The following ZNF608 variants were observed in gnomAD, a reference collection of about 807,000 sequenced individuals.
ZNF608 encodes renal carcinoma antigen NY-REN-36.
Under a neutral mutation model 109.0 loss-of-function variants are expected in ZNF608, and 12 were observed. That is an observed-to-expected ratio of 0.11 (90% CI 0.07 to 0.18). The LOEUF is 0.18. ZNF608 is among the 10% of genes least tolerant of loss of function. ZNF608 has a pLI of 1.00. For synonymous variants in ZNF608, 732 were observed against 717.4 expected (o/e 1.02, Z -0.33); for missense variants, 1,707 against 1,879.3 (o/e 0.91, Z 1.70).
intron 3 of ZNF608, among the ~76,000 whole-genome samples, chr5:124,674,687 G>C: frequency 6.6e-6 from 1 of 152,032 alleles, no homozygotes. Context: ...CATAGCTCAC[G>C]GCAGCCTCAA....
At chr5:124,727,779 G>A (rs1047472254) in intron 2 of ZNF608, among the ~76,000 whole-genome samples, 5 of 117,924 alleles carry the variant, frequency 4.2e-5, no homozygotes, top group South Asian at 2.7e-4. Context: ...CATTCTTGTT[G>A]CCCAGGCTAG....
chr5:124,740,199 T>C (rs1370848481), intron 2 of ZNF608, among the ~76,000 whole-genome samples: 1 of 152,190 alleles, frequency 6.6e-6, no homozygotes, highest in Non-Finnish European at 1.5e-5. Flanking sequence ...CAGAATTCAG[T>C]GATGGGTCTG....
At chr5:124,649,199 A>T in intron 4 of ZNF608, 66 bp from the exon 5 acceptor site, 4 of 1,367,462 alleles carry the variant, frequency 2.9e-6, no homozygotes, top group Non-Finnish European at 3.9e-6. Flanking sequence ...ATCACAAAGT[A>T]CACAATGCAG....
Position 124,647,969 on chromosome 5 carries a change from C to A in ZNF608, c.2415G>T (p.Leu805=). The change falls in exon 5 of 10, where the codon CTG becomes CTT. Residue 805 remains leucine (L), a synonymous_variant. Transcript: ENST00000513986. Reference sequence around the variant, plus strand: ...TTTTCTTTTTGTCTTTGAGTGACACCAGAGCTGGGTTCACGGTGATGGGCT... The same window carrying A: ...TTTTCTTTTTGTCTTTGAGTGACACAAGAGCTGGGTTCACGGTGATGGGCT... ...MGEPITVNPA[L]VSLKDKKKKE... The A allele has an allele frequency of 6.2e-7, 1 of 1,614,192 alleles. No individual in the cohort carries two copies. The highest frequency in any genetic ancestry group is 8.5e-7 in the Non-Finnish European group (1 of 1,180,050).
intron 1 of ZNF608, 21 bp downstream of exon 1, chr5:124,746,174 A>C: frequency 1.0e-6 from 1 of 985,386 alleles, no homozygotes; most frequent in Non-Finnish European, 1.2e-6. Context: ...ACACACATAC[A>C]CACACACAGA....
chr5:124,669,220 C>T (rs1751612016), intron 3 of ZNF608, among the ~76,000 whole-genome samples: 2 of 152,080 alleles, frequency 1.3e-5, no homozygotes, highest in Admixed American at 1.3e-4. Flanking sequence ...CTCAGCATCC[C>T]CCACCGAAAT....
chr5:124,641,433 C>T (rs1750235663), intron 7 of ZNF608, 28 bp from the exon 8 acceptor site: 4 of 1,586,310 alleles, frequency 2.5e-6, no homozygotes, highest in Admixed American at 1.8e-5. Context: ...AATTTTCCCC[C>T]TTCATGCTCT....
intron 3 of ZNF608, among the ~76,000 whole-genome samples, chr5:124,659,321 A>T (rs1309741502): frequency 6.6e-6 from 1 of 152,170 alleles, no homozygotes; most frequent in Non-Finnish European, 1.5e-5. Flanking sequence ...GTACTCTAGG[A>T]CTAAAAGGGC....
chr5:124,725,977 C>T (rs1354335291), intron 2 of ZNF608, among the ~76,000 whole-genome samples: 1 of 152,026 alleles, frequency 6.6e-6, no homozygotes, highest in African/African-American at 2.4e-5. Flanking sequence ...TTTTTCTCAC[C>T]TCCCACAAAA....
At position 124,746,520 on chromosome 5, in the gene ZNF608, A is replaced by G. The variant is rs1749647701; in HGVS notation, c.-509T>C. The G allele has an allele frequency of 3.0e-6, 3 of 985,292 alleles. No homozygotes were observed. Among genetic ancestry groups the G allele is most frequent in the Non-Finnish European group, 3.6e-6 (3 of 829,936 alleles). 61.0% of individuals were successfully genotyped at this position (985,292 alleles called of 1,614,324 possible). On this transcript the variant is annotated 5_prime_UTR_variant, in exon 1 of 10. Coordinates refer to ENST00000513986, the MANE Select transcript of ZNF608 (RefSeq NM_020747.3). ...ATCGAGAATAATAGTTTTTTAAAAA[A>G]CAGAGAGTTTAGAGAAAAAAGTTTT...
chr5:124,689,709 A>G (rs1041022140), intron 3 of ZNF608, among the ~76,000 whole-genome samples: 23 of 152,176 alleles, frequency 1.5e-4, no homozygotes, highest in African/African-American at 5.5e-4. Flanking sequence ...CTACACACCT[A>G]TTAGAATGGT....
At chr5:124,696,723 TTGA>T (rs1752863247) in intron 3 of ZNF608, among the ~76,000 whole-genome samples, 2 of 152,342 alleles carry the variant, frequency 1.3e-5, no homozygotes, top group South Asian at 4.1e-4. Flanking sequence ...CCATAGCATC[TTGA>T]TAGACACTAT....
intron 3 of ZNF608, among the ~76,000 whole-genome samples, chr5:124,684,760 T>G (rs1323769010): frequency 1.3e-5 from 2 of 152,196 alleles, no homozygotes; most frequent in East Asian, 3.8e-4. Context: ...ACCAGTACAC[T>G]ATAGTAACCT....
chr5:124,692,527 A>C (rs1752665522), intron 3 of ZNF608, among the ~76,000 whole-genome samples: 1 of 152,258 alleles, frequency 6.6e-6, no homozygotes, highest in Non-Finnish European at 1.5e-5. Flanking sequence ...AGATGCTAGA[A>C]TTATAAAGAA....
chr5:124,651,948 G>A (rs1290803995), intron 3 of ZNF608, among the ~76,000 whole-genome samples: 1 of 152,230 alleles, frequency 6.6e-6, no homozygotes, highest in Non-Finnish European at 1.5e-5. Context: ...TAACGAGTCC[G>A]GCCGTGCAGT....
In ZNF608 at chr5:124,668,214, ATATT is replaced by A. The variant is rs1210884023; in HGVS notation, c.1163-18521_1163-18518del. ...CTTAAAAATATATATATATATATAT[ATATT>A]ATATATATATATATTTTATATATAT... is the stretch of plus-strand genomic sequence containing the variant. On this transcript the variant is annotated intron_variant, in intron 3 of 9. Transcript: ENST00000513986. 2.3e-3 allele frequency among the ~76,000 whole-genome samples: 325 copies of A among 139,762 alleles called. 1 individual carries two copies. Among genetic ancestry groups the A allele is most frequent in the African/African-American group, 7.8e-3 (302 of 38,576 alleles). The allele number at this position is 139,762 out of a possible 152,430, so 91.7% of individuals were successfully genotyped here.
chr5:124,671,060 CAG>C (rs1321010571), intron 3 of ZNF608, among the ~76,000 whole-genome samples: 3 of 152,142 alleles, frequency 2.0e-5, no homozygotes, highest in Non-Finnish European at 4.4e-5. Context: ...CAGCTGAAGG[CAG>C]AGAGTATTGT....
intron 3 of ZNF608, among the ~76,000 whole-genome samples, chr5:124,653,846 A>G (rs1215233468): frequency 6.6e-6 from 1 of 152,206 alleles, no homozygotes. Context: ...ATGATGGGCC[A>G]AAGTTCCAAG....
chr5:124,719,252 G>A (rs549384144), intron 2 of ZNF608, among the ~76,000 whole-genome samples: 7 of 152,308 alleles, frequency 4.6e-5, no homozygotes, highest in South Asian at 4.1e-4. Flanking sequence ...CAGGCACAGC[G>A]TTCGTTTCAG....
Sources: allele counts gnomAD v4.1 joint callset (sites outside exome capture counted in the v4.1 genomes callset), GRCh38; gene constraint gnomAD v4.1.1; transcripts MANE v1.5; gene names NCBI Gene and HGNC (gene_info 2026-07-23, HGNC 2026-07-21).